Variants in EBF1 observed in about 807,000 individuals in gnomAD.
EBF1 encodes the protein transcription factor COE1.
A neutral mutation model predicts 68.4 loss-of-function variants in EBF1; 10 were observed. The ratio of observed to expected loss-of-function variants is 0.15; its 90% CI spans 0.09 to 0.25. EBF1 has a LOEUF of 0.25. Ranked by LOEUF, EBF1 falls within the 10% of genes least tolerant of loss-of-function variation. The pLI is 1.00. For missense variants in EBF1, 509 were observed against 794.4 expected, an observed-to-expected ratio of 0.64 and a Z score of 4.32; for synonymous variants, 298 against 299.8, an observed-to-expected ratio of 0.99 and a Z score of 0.06.
intron 6 of EBF1, among the ~76,000 whole-genome samples, chr5:159,045,716 T>C (rs996806120): frequency 6.6e-6 from 1 of 152,216 alleles, no homozygotes; most frequent in Admixed American, 6.5e-5. Flanking sequence ...TCCAAAGCTG[T>C]TTGGCTAAAT....
chr5:158,977,200 C>G (rs531530482), intron 6 of EBF1, among the ~76,000 whole-genome samples: 2 of 152,274 alleles, frequency 1.3e-5, no homozygotes, highest in Non-Finnish European at 2.9e-5. Context: ...AGCCAGTTCC[C>G]CAATCCACCC....
intron 6 of EBF1, among the ~76,000 whole-genome samples, chr5:159,045,196 T>G (rs2127789948): frequency 6.6e-6 from 1 of 152,242 alleles, no homozygotes; most frequent in South Asian, 2.1e-4. Flanking sequence ...TCAGATCATT[T>G]GTAATTTCTT....
At chr5:159,058,588 C>T (rs1775208620) in intron 6 of EBF1, among the ~76,000 whole-genome samples, 1 of 152,168 alleles carries the variant, frequency 6.6e-6, no homozygotes, top group South Asian at 2.1e-4. Flanking sequence ...GGAAAAGCCA[C>T]CTTCAAACTC....
intron 6 of EBF1, among the ~76,000 whole-genome samples, chr5:158,928,438 A>C (rs1810141359): frequency 6.6e-6 from 1 of 152,358 alleles, no homozygotes; most frequent in East Asian, 1.9e-4. Context: ...GGATGATAAA[A>C]TGTGATTCTT....
chr5:158,761,266 T>A (rs1183324915), intron 10 of EBF1, among the ~76,000 whole-genome samples: 2 of 152,244 alleles, frequency 1.3e-5, no homozygotes, highest in African/African-American at 4.8e-5. Flanking sequence ...TCCTGCTAAG[T>A]GTTTAAAACA....
At chr5:158,847,757 G>C (rs79497723) in intron 6 of EBF1, among the ~76,000 whole-genome samples, 1,759 of 152,320 alleles carry the variant, frequency 0.012, 36 homozygotes, top group African/African-American at 0.04. Flanking sequence ...GTCCTTCTTG[G>C]AACTGGGGAC....
chr5:158,987,336 T>C (rs1275316411), intron 6 of EBF1: 1 of 152,194 alleles, frequency 6.6e-6, no homozygotes, highest in South Asian at 2.1e-4. Flanking sequence ...GCACCACTAT[T>C]GTTATTTTTC....
intron 6 of EBF1, among the ~76,000 whole-genome samples, chr5:158,874,622 G>A (rs1797472921): frequency 6.6e-6 from 1 of 152,138 alleles, no homozygotes. Context: ...TACGCTGTGT[G>A]TAGACAGGTT....
intron 6 of EBF1, among the ~76,000 whole-genome samples, chr5:159,050,892 T>C (rs1244551274): frequency 6.6e-6 from 1 of 152,216 alleles, no homozygotes; most frequent in Non-Finnish European, 1.5e-5. Context: ...GGTCTGACTT[T>C]AGAGCCTTTG....
chr5:158,757,666 T>C (rs1447073331), intron 10 of EBF1, among the ~76,000 whole-genome samples: 1 of 152,186 alleles, frequency 6.6e-6, no homozygotes, highest in Non-Finnish European at 1.5e-5. Flanking sequence ...TTTGCCACTT[T>C]CTAGTTGCAT....
At position 159,055,039 on chromosome 5, in the gene EBF1, A is replaced by T. The variant is rs140124520; in HGVS notation, c.554+18357T>A. On this transcript the variant is annotated intron_variant, in intron 6 of 15. Transcript: ENST00000313708. ...CCACTAGCTTCCTGCCTTAAGGTAG[A>T]TTTTAGCAATAGACATGGGCTGTAC... 3.1e-3 allele frequency among the ~76,000 whole-genome samples: 465 copies of T among 152,336 alleles called. 3 individuals are homozygous for T. The highest frequency in any genetic ancestry group is 0.011 in the African/African-American group (444 of 41,582).
chr5:159,047,511 G>C (rs1017085574), intron 6 of EBF1, among the ~76,000 whole-genome samples: 1 of 152,092 alleles, frequency 6.6e-6, no homozygotes. Flanking sequence ...TAACTAGTAT[G>C]GCTGACAGAG....
At chr5:158,851,796 AGG>A (rs1390617446) in intron 6 of EBF1, among the ~76,000 whole-genome samples, 574 of 106,132 alleles carry the variant, frequency 5.4e-3, no homozygotes, top group Non-Finnish European at 7.0e-3. Context: ...AGGGAAGGAA[AGG>A]GAAGGAGGGA....
rs182800275 is a variant in EBF1, at chr5:158,965,056, C to T, written c.554+108340G>A. 7.9e-5 allele frequency among the ~76,000 whole-genome samples: 12 copies of T among 152,164 alleles called. No homozygotes were observed. The East Asian group carries it at 1.2e-3, about 15-fold the overall frequency. On this transcript the variant is annotated intron_variant, in intron 6 of 15. Coordinates refer to ENST00000313708, the MANE Select transcript of EBF1 (RefSeq NM_024007.5). ...TATCGTGTTGTTTGTTGAAAATGGC[C>T]CTGAACTATGAGTCAAAAACTTTAC...
intron 10 of EBF1, among the ~76,000 whole-genome samples, chr5:158,767,191 GAAGT>G (rs1490055561): frequency 6.6e-6 from 1 of 152,122 alleles, no homozygotes; most frequent in Non-Finnish European, 1.5e-5. Flanking sequence ...TTCTATATTA[GAAGT>G]AAGTACTCAA....
At chr5:158,979,525 C>T (rs933514349) in intron 6 of EBF1, among the ~76,000 whole-genome samples, 5 of 151,944 alleles carry the variant, frequency 3.3e-5, no homozygotes, top group African/African-American at 4.8e-5. Context: ...TGATTTTTCC[C>T]GGCACTAATG....
At chr5:158,915,257 C>T (rs1054356749) in intron 6 of EBF1, among the ~76,000 whole-genome samples, 1 of 152,328 alleles carries the variant, frequency 6.6e-6, no homozygotes. Context: ...TTCCAAAAGC[C>T]TTCTTTGCTG....
intron 6 of EBF1, among the ~76,000 whole-genome samples, chr5:158,854,469 C>T (rs542119069): frequency 6.6e-6 from 1 of 152,262 alleles, no homozygotes; most frequent in South Asian, 2.1e-4. Context: ...AGCATCTGGT[C>T]CCAGAAGCAA....
intron 15 of EBF1, among the ~76,000 whole-genome samples, chr5:158,703,298 T>C (rs1265136712): frequency 6.6e-6 from 1 of 152,210 alleles, no homozygotes; most frequent in African/African-American, 2.4e-5. Context: ...TGCATAAGAA[T>C]AGAAAGAGGT....
Sources: allele counts gnomAD v4.1 joint callset (sites outside exome capture counted in the v4.1 genomes callset), GRCh38; gene constraint gnomAD v4.1.1; transcripts MANE v1.5; gene names NCBI Gene and HGNC (gene_info 2026-07-23, HGNC 2026-07-21).